The following IQCJ variants were observed in gnomAD, a reference collection of about 807,000 sequenced individuals.
The protein encoded by IQCJ is IQ motif containing J.
IQCJ carries 9 observed loss-of-function variants against 11.0 expected under a neutral mutation model. The observed-to-expected ratio is 0.82, with a 90% confidence interval of 0.49 to 1.43. The LOEUF (loss-of-function observed/expected upper bound fraction) is 1.43. IQCJ is among the 40% of genes most tolerant of loss of function. IQCJ has a pLI of 0.00. For synonymous variants in IQCJ, 55 were observed against 51.3 expected (o/e 1.07, Z -0.31); for missense variants, 146 against 133.2 (o/e 1.10, Z -0.47).
chr3:159,204,094 C>T (rs1724512263), intron 1 of IQCJ, among the ~76,000 whole-genome samples: 1 of 152,186 alleles, frequency 6.6e-6, no homozygotes, highest in Admixed American at 6.5e-5. Context: ...CTATGAAAGG[C>T]TGGACTCCAT....
At chr3:159,149,869 C>T (rs1399228968) in intron 1 of IQCJ, among the ~76,000 whole-genome samples, 1 of 152,064 alleles carries the variant, frequency 6.6e-6, no homozygotes, top group African/African-American at 2.4e-5. Context: ...AGGTGTGTTC[C>T]CTCCATCTCT....
chr3:159,194,393 G>C (rs59142402), intron 1 of IQCJ, among the ~76,000 whole-genome samples: 9 of 152,132 alleles, frequency 5.9e-5, no homozygotes, highest in Admixed American at 6.5e-5. Flanking sequence ...TTCTGACTTC[G>C]CCATTTGCTA....
downstream of IQCJ, chr3:159,265,381 T>G (rs1409885537): frequency 6.2e-7 from 1 of 1,613,424 alleles, no homozygotes; most frequent in East Asian, 2.2e-5. Flanking sequence ...ATAGAAAGAC[T>G]TGGTTTTCTC....
intron 1 of IQCJ, chr3:159,069,669 C>A: frequency 6.4e-6 from 4 of 623,234 alleles, no homozygotes; most frequent in Non-Finnish European, 1.1e-5. Context: ...TGTGTCTGTG[C>A]GGACAGATTT....
At chr3:159,244,775 G>T (rs1431032382) in intron 1 of IQCJ, among the ~76,000 whole-genome samples, 1 of 152,136 alleles carries the variant, frequency 6.6e-6, no homozygotes, top group Middle Eastern at 3.2e-3. Context: ...GGAGACTTGG[G>T]TGTCTGGTGG....
downstream of IQCJ, chr3:159,265,436 A>T: frequency 6.5e-7 from 1 of 1,539,442 alleles, no homozygotes; most frequent in East Asian, 2.3e-5. Flanking sequence ...GAATAGGATG[A>T]TCCCTGGCCT....
chr3:159,231,231 T>C (rs1726229065), intron 1 of IQCJ, among the ~76,000 whole-genome samples: 1 of 152,224 alleles, frequency 6.6e-6, no homozygotes, highest in East Asian at 1.9e-4. Context: ...CACATCCAGC[T>C]GTAAGAGTTC....
intron 1 of IQCJ, among the ~76,000 whole-genome samples, chr3:159,150,044 T>G (rs1721120822): frequency 6.6e-6 from 1 of 152,236 alleles, no homozygotes; most frequent in South Asian, 2.1e-4. Flanking sequence ...CTATTTTCCC[T>G]GCTTTTATCT....
At chr3:159,088,595 G>T (rs1018192114) in intron 1 of IQCJ, among the ~76,000 whole-genome samples, 4 of 152,166 alleles carry the variant, frequency 2.6e-5, no homozygotes, top group Non-Finnish European at 5.9e-5. Flanking sequence ...TTGTGAATCT[G>T]GGTGCTCCTG....
chr3:159,176,718 A>G (rs1194975744), intron 1 of IQCJ, among the ~76,000 whole-genome samples: 1 of 152,218 alleles, frequency 6.6e-6, no homozygotes, highest in African/African-American at 2.4e-5. Flanking sequence ...GCGAAAATTA[A>G]TGAGATACTT....
intron 1 of IQCJ, among the ~76,000 whole-genome samples, chr3:159,219,874 C>G (rs1187380603): frequency 1.3e-5 from 2 of 152,144 alleles, no homozygotes; most frequent in African/African-American, 4.8e-5. Context: ...TCCCACCGGA[C>G]AAGGCCCTGG....
intron 1 of IQCJ, among the ~76,000 whole-genome samples, chr3:159,071,515 T>C (rs1715560166): frequency 6.6e-6 from 1 of 152,054 alleles, no homozygotes; most frequent in Admixed American, 6.6e-5. Flanking sequence ...CATAAATACA[T>C]ATATAGAAAT....
At chr3:159,117,092 T>C (rs548406423) in intron 1 of IQCJ, among the ~76,000 whole-genome samples, 2 of 152,244 alleles carry the variant, frequency 1.3e-5, no homozygotes, top group Admixed American at 6.5e-5. Context: ...GAGTAATGTC[T>C]ACTTGCTGCC....
intron 1 of IQCJ, among the ~76,000 whole-genome samples, chr3:159,128,582 C>T (rs1158719819): frequency 6.6e-6 from 1 of 152,110 alleles, no homozygotes; most frequent in East Asian, 1.9e-4. Context: ...TACGCATGCC[C>T]CTCGTTTCTA....
rs369183865 is a variant in IQCJ at position 159,092,231 on chromosome 3, C to G, written c.9+22790C>G. Among the ~76,000 whole-genome samples the G allele has an allele frequency of 3.3e-5, 5 of 151,910 alleles. 1 individual carries two copies. Among genetic ancestry groups the G allele is most frequent in the African/African-American group, 1.2e-4 (5 of 41,182 alleles). ...CAAAAATGTTAAATCAGAATATAAT[C>G]ACAAGGATACAGTCAGACAAATCCA... On this transcript the variant is annotated intron_variant, in intron 1 of 3. Coordinates refer to ENST00000397832, the MANE Select transcript of IQCJ (RefSeq NM_001042706.3).
chr3:159,254,911 T>G (rs929978967), intron 3 of IQCJ, among the ~76,000 whole-genome samples: 3 of 152,214 alleles, frequency 2.0e-5, no homozygotes, highest in Non-Finnish European at 2.9e-5. Context: ...ATCCCCCCAA[T>G]AGTATAGGCT....
At chr3:159,235,660 T>G (rs1338679776) in intron 1 of IQCJ, among the ~76,000 whole-genome samples, 1 of 152,154 alleles carries the variant, frequency 6.6e-6, no homozygotes, top group East Asian at 1.9e-4. Context: ...GGACTGAAAT[T>G]ATCTCAGATC....
intron 1 of IQCJ, among the ~76,000 whole-genome samples, chr3:159,162,839 C>G (rs1039231863): frequency 3.9e-5 from 6 of 152,150 alleles, no homozygotes; most frequent in Non-Finnish European, 8.8e-5. Context: ...TGGATAAATT[C>G]CTTGACAAAT....
At chr3:159,105,607 G>A (rs1718206898) in intron 1 of IQCJ, among the ~76,000 whole-genome samples, 1 of 152,042 alleles carries the variant, frequency 6.6e-6, no homozygotes, top group Non-Finnish European at 1.5e-5. Context: ...AGACTGTTTG[G>A]TCAGGACATT....
Sources: gnomAD v4.1 joint callset for allele counts (sites outside exome capture counted in the v4.1 genomes callset) on GRCh38, gnomAD v4.1.1 for gene constraint, MANE v1.5 for transcripts, NCBI Gene and HGNC (gene_info 2026-07-23, HGNC 2026-07-21) for gene names.